Variants in USP28 observed in about 807,000 individuals in gnomAD.
The protein encoded by USP28 is ubiquitin carboxyl-terminal hydrolase 28.
USP28 carries 113 observed loss-of-function variants against 145.0 expected under a neutral mutation model. That is an observed-to-expected ratio of 0.78 (90% CI 0.67 to 0.91). The LOEUF (loss-of-function observed/expected upper bound fraction) is 0.91. Among genes scored for constraint, USP28 ranks in the 40% least tolerant of loss-of-function variants. The pLI is 0.00. For missense variants in USP28, 1,201 were observed against 1,289.6 expected, an observed-to-expected ratio of 0.93 and a Z score of 1.05; for synonymous variants, 447 against 450.9, an observed-to-expected ratio of 0.99 and a Z score of 0.11.
chr11:113,823,633 T>C (rs747871801), exon 12 of USP28: 3 of 1,612,710 alleles, frequency 1.9e-6, no homozygotes, highest in South Asian at 1.1e-5. Flanking sequence ...AGAATTTTTA[T>C]TTCCTCCTTC....
exon 5 of USP28, chr11:113,840,640 C>G: frequency 1.2e-6 from 2 of 1,614,160 alleles, no homozygotes; most frequent in Non-Finnish European, 1.7e-6. Flanking sequence ...CAACATTTTT[C>G]AGCCCAACTG....
rs762430523 is a variant in USP28, at chr11:113,801,721, A to C, written c.2863-43T>G. The C allele has an allele frequency of 4.7e-6, 7 of 1,493,036 alleles. No individual in the cohort carries two copies. The South Asian group carries it at 9.3e-5, about 20-fold the overall frequency. The allele number at this position is 1,493,036 out of a possible 1,614,324, so 92.5% of individuals were successfully genotyped here. A position where few individuals can be genotyped will look rare whatever the true frequency, so the allele number is the denominator to read the frequency against. On this transcript the variant is annotated intron_variant, in intron 23 of 24. Coordinates refer to ENST00000003302, the Ensembl canonical transcript of USP28. ...AATTAGGTGGGGAAGAGTCTGAAAA[A>C]GATAAATATCTCTTTAATAACAGTC...
At chr11:113,827,339 G>A (rs1943493897) in exon 11 of USP28, 1 of 1,603,014 alleles carries the variant, frequency 6.2e-7, no homozygotes, top group African/African-American at 1.3e-5. Flanking sequence ...GTCAACACTG[G>A]AGGTAGCTTT....
intron 12 of USP28, among the ~76,000 whole-genome samples, chr11:113,818,489 C>T (rs756701): frequency 0.078 from 11,873 of 152,204 alleles, 636 homozygotes; most frequent in Non-Finnish European, 0.11. Context: ...CCCAGGTTTG[C>T]TGCATTTTAA....
chr11:113,843,687 A>AC (rs1365355074), intron 3 of USP28, among the ~76,000 whole-genome samples: 1 of 151,188 alleles, frequency 6.6e-6, no homozygotes, highest in Non-Finnish European at 1.5e-5. Flanking sequence ...AAAAAAAAAA[A>AC]AAACTAAAAA....
At chr11:113,808,969 G>T in intron 17 of USP28, 94 bp downstream of exon 17, 1 of 1,202,380 alleles carries the variant, frequency 8.3e-7, no homozygotes, top group Non-Finnish European at 1.2e-6. Flanking sequence ...TGAAGACTGT[G>T]GCATCACCTA....
chr11:113,831,630 C>T (rs1351079929), intron 8 of USP28, among the ~76,000 whole-genome samples: 14 of 151,992 alleles, frequency 9.2e-5, no homozygotes, highest in Admixed American at 9.2e-4. Context: ...GTTGATTTGT[C>T]CTTTTTACAA....
chr11:113,854,685 G>A (rs796569089), intron 1 of USP28, among the ~76,000 whole-genome samples: 1 of 152,060 alleles, frequency 6.6e-6, no homozygotes, highest in African/African-American at 2.4e-5. Context: ...TACAGGTGTG[G>A]GCCAATGCAA....
chr11:113,825,185 C>A (rs955190451), intron 11 of USP28, among the ~76,000 whole-genome samples: 3 of 152,092 alleles, frequency 2.0e-5, no homozygotes, highest in Non-Finnish European at 2.9e-5. Flanking sequence ...TAAGACCAGA[C>A]AACAGACAGA....
At chr11:113,823,037 C>A (rs1041670484) in intron 12 of USP28, among the ~76,000 whole-genome samples, 1 of 152,092 alleles carries the variant, frequency 6.6e-6, no homozygotes, top group Admixed American at 6.5e-5. Flanking sequence ...CGGGATCTAT[C>A]TAGACGAGAA....
Position 113,843,822 on chromosome 11 carries a change from A to G in USP28, c.269-2054T>C, listed in dbSNP as rs185635809. Among the ~76,000 whole-genome samples the G allele has an allele frequency of 2.6e-5, 4 of 152,328 alleles. No homozygotes were observed. In the East Asian group the frequency reaches 7.7e-4, roughly 29 times the overall value. ...ATTTATAGTCCAGAAATAAACTCTTACATTCCCGGTCAATTGATTTTTGAC... is the reference window on the plus strand; with the variant it reads ...ATTTATAGTCCAGAAATAAACTCTTGCATTCCCGGTCAATTGATTTTTGAC... On this transcript the variant is annotated intron_variant, in intron 3 of 24. Transcript: ENST00000003302.
intron 7 of USP28, among the ~76,000 whole-genome samples, 154 bp downstream of exon 7, chr11:113,833,265 AC>A (rs1331619085): frequency 1.3e-4 from 20 of 152,200 alleles, no homozygotes; most frequent in African/African-American, 4.8e-4. Context: ...TTTCTCTCTC[AC>A]CACCTGTTCT....
chr11:113,822,053 A>G (rs1942685832), intron 12 of USP28, among the ~76,000 whole-genome samples: 1 of 152,240 alleles, frequency 6.6e-6, no homozygotes, highest in Non-Finnish European at 1.5e-5. Flanking sequence ...AAAATAAAGA[A>G]TACCCTGTTG....
exon 18 of USP28, chr11:113,808,407 C>T (rs150369655): frequency 1.1e-4 from 185 of 1,613,814 alleles, no homozygotes; most frequent in Non-Finnish European, 1.5e-4. Flanking sequence ...CGACAAGCAG[C>T]GAACCCCATG....
At chr11:113,860,604 GTTCAAGA>G (rs1456314785) in intron 1 of USP28, among the ~76,000 whole-genome samples, 1 of 152,002 alleles carries the variant, frequency 6.6e-6, no homozygotes, top group African/African-American at 2.4e-5. Flanking sequence ...AAGGTCAGGA[GTTCAAGA>G]CCAGCCTGGC....
exon 11 of USP28, chr11:113,827,237 C>T: frequency 2.5e-6 from 4 of 1,604,448 alleles, no homozygotes; most frequent in Non-Finnish European, 3.4e-6. Flanking sequence ...ACTCACCTGT[C>T]CATATAAATA....
chr11:113,839,646 T>C (rs1472590576), intron 5 of USP28, among the ~76,000 whole-genome samples: 1 of 152,204 alleles, frequency 6.6e-6, no homozygotes, highest in Non-Finnish European at 1.5e-5. Flanking sequence ...CCCAGCACTT[T>C]GGGAGGCTGA....
At chr11:113,823,544 A>G in intron 12 of USP28, 61 bp downstream of exon 12, 1 of 1,265,946 alleles carries the variant, frequency 7.9e-7, no homozygotes, top group Non-Finnish European at 1.1e-6. Flanking sequence ...TTAAAGAAAA[A>G]CAAATTATCT....
intron 12 of USP28, among the ~76,000 whole-genome samples, chr11:113,819,241 T>C (rs1390846279): frequency 6.6e-6 from 1 of 151,708 alleles, no homozygotes; most frequent in East Asian, 1.9e-4. Flanking sequence ...GCCTCCCGAG[T>C]AGCTGGGACT....
Sources: allele counts gnomAD v4.1 joint callset (sites outside exome capture counted in the v4.1 genomes callset), GRCh38; gene constraint gnomAD v4.1.1; transcripts MANE v1.5; gene names NCBI Gene and HGNC (gene_info 2026-07-23, HGNC 2026-07-21).